TMEM38B: variants seen among roughly 807,000 people sequenced by gnomAD.
TMEM38B encodes trimeric intracellular cation channel type B.
In TMEM38B, 24 loss-of-function variants were observed where a neutral mutation model predicts 28.7. The ratio of observed to expected loss-of-function variants is 0.84; its 90% CI spans 0.61 to 1.18. TMEM38B has a LOEUF of 1.18. Among genes scored for constraint, TMEM38B ranks in the 50% most tolerant of loss-of-function variants. The pLI is 0.00. For synonymous variants in TMEM38B, 131 were observed against 127.7 expected (o/e 1.03, Z -0.17); for missense variants, 380 against 350.9 (o/e 1.08, Z -0.66).
chr9:105,749,270 G>A (rs1260158628), intron 5 of TMEM38B: 4 of 278,934 alleles, frequency 1.4e-5, no homozygotes, highest in Admixed American at 1.2e-4. Context: ...CTGATACTGG[G>A]TAATTTATAA....
chr9:105,751,003 G>T (rs1166727767), intron 5 of TMEM38B, among the ~76,000 whole-genome samples: 1 of 152,180 alleles, frequency 6.6e-6, no homozygotes, highest in Admixed American at 6.5e-5. Flanking sequence ...ATGTGTGCCT[G>T]TCCTTATGCT....
At chr9:105,737,691 C>T (rs541765960) in intron 4 of TMEM38B, among the ~76,000 whole-genome samples, 5 of 152,248 alleles carry the variant, frequency 3.3e-5, no homozygotes, top group Admixed American at 6.5e-5. Flanking sequence ...CCCTGGGATG[C>T]GGGACCCTGC....
chr9:105,773,859 C>G lies in TMEM38B; in HGVS notation c.661-6C>G. The G allele has an allele frequency of 1.3e-6, 2 of 1,590,642 alleles. No homozygotes were observed. The highest frequency in any genetic ancestry group is 1.7e-6 in the Non-Finnish European group (2 of 1,167,916). Reference sequence around the variant, plus strand: ...TTAAATTCAAAATTAAACTTTTTTCCCCCAGATAACCATGATGACTACACA... The same window carrying G: ...TTAAATTCAAAATTAAACTTTTTTCGCCCAGATAACCATGATGACTACACA... On this transcript the variant is annotated splice_polypyrimidine_tract_variant and splice_region_variant and intron_variant, in intron 5 of 5. Coordinates refer to ENST00000374692, the MANE Select transcript of TMEM38B (RefSeq NM_018112.3).
At chr9:105,730,869 TTC>T (rs1244155517) in intron 4 of TMEM38B, among the ~76,000 whole-genome samples, 4 of 152,218 alleles carry the variant, frequency 2.6e-5, no homozygotes, top group Non-Finnish European at 5.9e-5. Flanking sequence ...GTTTATAGTA[TTC>T]TCTGATGGTA....
At chr9:105,755,215 G>T (rs755318142) in intron 5 of TMEM38B, among the ~76,000 whole-genome samples, 2 of 152,150 alleles carry the variant, frequency 1.3e-5, no homozygotes, top group Non-Finnish European at 2.9e-5. Flanking sequence ...GAGGTACAAA[G>T]AATTGCTGGT....
rs116671333 is a variant in TMEM38B at position 105,772,686 on chromosome 9, T to C, written c.661-1179T>C. Among the ~76,000 whole-genome samples the C allele has an allele frequency of 8.5e-3, 1,298 of 152,224 alleles. 18 individuals are homozygous for C. Among genetic ancestry groups the C allele is most frequent in the African/African-American group, 0.029 (1,225 of 41,548 alleles). On this transcript the variant is annotated intron_variant, in intron 5 of 5. Transcript: ENST00000374692. ...AAAATTTTTTTTTTAAAAATTGAGTTCAAATTCACATAAAATTAGCTGTTT... is the reference window on the plus strand; with the variant it reads ...AAAATTTTTTTTTTAAAAATTGAGTCCAAATTCACATAAAATTAGCTGTTT...
chr9:105,747,635 C>G (rs1309580850), intron 4 of TMEM38B, among the ~76,000 whole-genome samples: 1 of 152,082 alleles, frequency 6.6e-6, no homozygotes, highest in African/African-American at 2.4e-5. Flanking sequence ...AATGTGTTTG[C>G]TCTTGCTTCT....
At chr9:105,708,802 C>A (rs1428455921) in intron 2 of TMEM38B, among the ~76,000 whole-genome samples, 1 of 152,006 alleles carries the variant, frequency 6.6e-6, no homozygotes, top group Non-Finnish European at 1.5e-5. Context: ...ATCACATCAT[C>A]CTTCTTTATT....
intron 4 of TMEM38B, among the ~76,000 whole-genome samples, chr9:105,728,752 C>T (rs188667633): frequency 6.6e-6 from 1 of 152,298 alleles, no homozygotes; most frequent in Non-Finnish European, 1.5e-5. Context: ...TGTTTCTTGA[C>T]TTTTTAATGA....
intron 4 of TMEM38B, among the ~76,000 whole-genome samples, chr9:105,734,970 T>C (rs1280328861): frequency 6.6e-6 from 1 of 152,076 alleles, no homozygotes; most frequent in African/African-American, 2.4e-5. Flanking sequence ...ATTTTGTTAA[T>C]TGTTTTCTGT....
At chr9:105,749,874 T>C (rs780922535) in intron 5 of TMEM38B, among the ~76,000 whole-genome samples, 2 of 152,232 alleles carry the variant, frequency 1.3e-5, no homozygotes. Flanking sequence ...TTCTCTTGAG[T>C]ATATCATCTG....
chr9:105,744,651 A>C (rs1485757059), intron 4 of TMEM38B, among the ~76,000 whole-genome samples: 1 of 151,818 alleles, frequency 6.6e-6, no homozygotes, highest in Non-Finnish European at 1.5e-5. Flanking sequence ...TTTGTTACAT[A>C]TGTATACATG....
intron 4 of TMEM38B, among the ~76,000 whole-genome samples, chr9:105,733,397 T>C (rs1836840941): frequency 6.6e-6 from 1 of 151,748 alleles, no homozygotes; most frequent in African/African-American, 2.4e-5. Context: ...TCATGAGAGA[T>C]ATTGGCTTGC....
intron 2 of TMEM38B, among the ~76,000 whole-genome samples, chr9:105,708,937 T>G (rs893722233): frequency 2.6e-5 from 4 of 152,100 alleles, no homozygotes; most frequent in African/African-American, 9.6e-5. Context: ...CTGGCTAATG[T>G]TTAAAATTTT....
At chr9:105,720,884 A>G (rs937212860) in intron 2 of TMEM38B, among the ~76,000 whole-genome samples, 1 of 152,160 alleles carries the variant, frequency 6.6e-6, no homozygotes, top group Non-Finnish European at 1.5e-5. Flanking sequence ...ATAATTTACC[A>G]TAGATGGGAT....
chr9:105,750,487 G>A (rs547061518), intron 5 of TMEM38B, among the ~76,000 whole-genome samples: 28 of 152,134 alleles, frequency 1.8e-4, no homozygotes, highest in South Asian at 1.5e-3. Context: ...AGTTGTGCGC[G>A]CCTGTAATCC....
chr9:105,709,948 A>G (rs1305354361), intron 2 of TMEM38B, among the ~76,000 whole-genome samples: 1 of 152,222 alleles, frequency 6.6e-6, no homozygotes, highest in Non-Finnish European at 1.5e-5. Context: ...CAGACATCCT[A>G]GTTTCCAATA....
At chr9:105,717,934 G>A (rs1010758323) in intron 2 of TMEM38B, among the ~76,000 whole-genome samples, 9 of 152,242 alleles carry the variant, frequency 5.9e-5, no homozygotes, top group Middle Eastern at 3.4e-3. Context: ...ACCCTGAGAC[G>A]TAGGTATTAT....
chr9:105,717,309 T>G (rs1661408481), intron 2 of TMEM38B, among the ~76,000 whole-genome samples: 1 of 152,212 alleles, frequency 6.6e-6, no homozygotes, highest in South Asian at 2.1e-4. Context: ...ATATGGATAT[T>G]AATATAATGG....
Sources: gnomAD v4.1 joint callset for allele counts (sites outside exome capture counted in the v4.1 genomes callset) on GRCh38, gnomAD v4.1.1 for gene constraint, MANE v1.5 for transcripts, NCBI Gene and HGNC (gene_info 2026-07-23, HGNC 2026-07-21) for gene names.